DIDO1: variants seen among roughly 807,000 people sequenced by gnomAD.
The protein encoded by DIDO1 is death inducer-obliterator 1, also known as death-inducer obliterator 1.
In DIDO1, 16 loss-of-function variants were observed where a neutral mutation model predicts 99.4. That is an observed-to-expected ratio of 0.16 (90% CI 0.11 to 0.24). DIDO1 has a LOEUF of 0.24. Among genes scored for constraint, DIDO1 ranks in the 10% least tolerant of loss-of-function variants. The pLI, the probability that DIDO1 is intolerant of heterozygous loss-of-function variation, is 1.00. For synonymous variants in DIDO1, 1,366 were observed against 1,239.1 expected, an observed-to-expected ratio of 1.10 and a Z score of -2.15; for missense variants, 2,996 against 3,014.0, an observed-to-expected ratio of 0.99 and a Z score of 0.14.
In DIDO1 at chr20:62,922,121, C is replaced by T. The variant is rs867927596; in HGVS notation, c.-200+4318G>A. 1.5e-3 allele frequency among the ~76,000 whole-genome samples: 216 copies of T among 148,528 alleles called. 2 individuals are homozygous for T. The Middle Eastern group carries it at 0.018, about 12-fold the overall frequency. Reference sequence around the variant, plus strand: ...CACACTATATATATACACACACACACACACATATATACATATATACACACA... The same window carrying T: ...CACACTATATATATACACACACACATACACATATATACATATATACACACA... On this transcript the variant is annotated intron_variant, in intron 1 of 15. Transcript: ENST00000395343.
In DIDO1 at chr20:62,911,404, C is replaced by T. The variant is rs769102009; in HGVS notation, c.209G>A (p.Arg70His). The T allele has an allele frequency of 5.0e-6, 8 of 1,611,372 alleles. No individual in the cohort carries two copies. The highest frequency in any genetic ancestry group is 6.8e-6 in the Non-Finnish European group (8 of 1,178,814). ...CAGGAACTGCTCCACGCGCTCAGTG[C>T]GCTTGGGCTGCCTCCCACTGCGCCG... ...SLRRSGRQPK[R>H]TERVEQFLTI... is the part of the protein sequence containing the mutation. Residue 70 changes from arginine to histidine, a missense_variant, in exon 3 of 16, where the codon CGC becomes CAC. Arg to His is a conservative substitution (Grantham distance 29). Around this residue, in one of 5 missense-constraint regions of DIDO1, gnomAD observed 388 missense variants for 376.6 expected, o/e 1.03. Transcript: ENST00000395343. This position sits in a 1 kb window ranked among gnomAD's most constrained non-coding sequence, Gnocchi z 7.0.
Position 62,879,828 on chromosome 20 carries a change from T to A in DIDO1, c.6128A>T (p.Glu2043Val), listed in dbSNP as rs1427275068. 6.2e-7 allele frequency: 1 copy of A among 1,608,306 alleles called. No individual in the cohort carries two copies. The highest frequency in any genetic ancestry group is 8.5e-7 in the Non-Finnish European group (1 of 1,178,262). ...GGAGAGCGCGGAGGGCGGCCCGGCC[T>A]CCTCCCAGCGGTCCTTCCGGTGCTG... Reference protein sequence around the residue: ...PPQHRKDRWEEAGPPSALSSS... With the variant: ...PPQHRKDRWEVAGPPSALSSS... The change falls in exon 16 of 16, where the codon GAG (glutamate) becomes GTG (valine). Residue 2043 changes from glutamate to valine, a missense_variant. Transcript: ENST00000395343. The surrounding 1 kb of genome is among the most constrained non-coding windows in gnomAD (Gnocchi z 6.3).
chr20:62,885,035 C>T (rs956979142), intron 15 of DIDO1, among the ~76,000 whole-genome samples: 1 of 152,260 alleles, frequency 6.6e-6, no homozygotes, highest in Non-Finnish European at 1.5e-5. Context: ...TAAGCTATTA[C>T]ACAGCTTACT....
At chr20:62,898,536 C>T (rs890982467) in intron 6 of DIDO1, among the ~76,000 whole-genome samples, 19 of 152,346 alleles carry the variant, frequency 1.2e-4, no homozygotes, top group African/African-American at 4.3e-4. Context: ...TGTGTTCTTT[C>T]CTAACCATCA....
At position 62,907,219 on chromosome 20, in the gene DIDO1, T is replaced by C. The variant is rs1209530512; in HGVS notation, c.1302A>G (p.Glu434=). 1.2e-6 allele frequency: 2 copies of C among 1,614,254 alleles called. No individual in the cohort carries two copies. Among genetic ancestry groups the C allele is most frequent in the East Asian group, 2.2e-5 (1 of 44,882 alleles). ...ATMKFLSSGK[E]QKPKPKEKMK... ...TCTTTTCTTTAGGCTTTGGCTTCTG[T>C]TCTTTACCTGAGCTTAGAAACTTCA... is the stretch of plus-strand genomic sequence containing the variant. The change falls in exon 5 of 16, where the codon GAA becomes GAG. Residue 434 remains glutamate, a synonymous_variant. Transcript: ENST00000395343.
intron 6 of DIDO1, among the ~76,000 whole-genome samples, chr20:62,902,424 A>G (rs899783990): frequency 1.3e-5 from 2 of 152,124 alleles, no homozygotes; most frequent in African/African-American, 4.8e-5. Context: ...GAGTCTGATG[A>G]CTCCCAGTCT....
chr20:62,916,176 G>A (rs1364419889), intron 1 of DIDO1, among the ~76,000 whole-genome samples: 1 of 152,184 alleles, frequency 6.6e-6, no homozygotes, highest in African/African-American at 2.4e-5. Flanking sequence ...GGGGGAATGT[G>A]TTCATAAAAC....
Position 62,894,357 on chromosome 20 carries a change from TAACAAA to T in DIDO1, c.2572+50_2572+55del, listed in dbSNP as rs2064468340. On this transcript the variant is annotated intron_variant, in intron 11 of 15. Transcript: ENST00000395343. The surrounding 1 kb of genome is among the most constrained non-coding windows in gnomAD (Gnocchi z 4.4). ...TGCTTTTAGGAGGTTCAGTGATTTTTAACAAAATCAAGTTTAGTCTCAGCTCCAAGG... is the reference window on the plus strand; with the variant it reads ...TGCTTTTAGGAGGTTCAGTGATTTTTATCAAGTTTAGTCTCAGCTCCAAGG... The T allele has an allele frequency of 6.3e-7, 1 of 1,594,204 alleles. No homozygotes were observed. Among genetic ancestry groups the T allele is most frequent in the Non-Finnish European group, 8.5e-7 (1 of 1,171,490 alleles).
upstream of DIDO1, among the ~76,000 whole-genome samples, chr20:62,928,123 T>A (rs1441166092): frequency 1.3e-5 from 2 of 152,172 alleles, no homozygotes; most frequent in African/African-American, 2.4e-5. Flanking sequence ...TAGCTGAGGA[T>A]CTTTAAACCA....
intron 1 of DIDO1, among the ~76,000 whole-genome samples, chr20:62,934,127 C>T (rs755930544): frequency 7.9e-5 from 12 of 152,192 alleles, no homozygotes; most frequent in Non-Finnish European, 1.8e-4. Context: ...TCCCAGATGC[C>T]AACCCGTGTG....
At chr20:62,887,570 GT>G in intron 15 of DIDO1, 2 of 985,418 alleles carry the variant, frequency 2.0e-6, no homozygotes, top group Non-Finnish European at 2.4e-6. Flanking sequence ...ATGGACCGAG[GT>G]TACTCCACAG....
chr20:62,927,484 C>T (rs1361127992), upstream of DIDO1, among the ~76,000 whole-genome samples: 1 of 152,184 alleles, frequency 6.6e-6, no homozygotes, highest in African/African-American at 2.4e-5. Context: ...TGCCTCGAGG[C>T]ACCATGGGCA....
intron 15 of DIDO1, among the ~76,000 whole-genome samples, chr20:62,884,121 C>CTTT (rs2064257872): frequency 6.6e-6 from 1 of 152,208 alleles, no homozygotes; most frequent in Non-Finnish European, 1.5e-5. Context: ...TCACGTAAAG[C>CTTT]ACCGAGGTGC....
intron 2 of DIDO1, among the ~76,000 whole-genome samples, chr20:62,913,058 T>C (rs1461683767): frequency 1.3e-5 from 2 of 152,134 alleles, no homozygotes; most frequent in African/African-American, 4.8e-5. Context: ...AAATACAAAA[T>C]GGAAAATTAC....
chr20:62,905,909 G>C lies in DIDO1; in HGVS notation c.1566C>G (p.Pro522=). The C allele has an allele frequency of 6.2e-7, 1 of 1,614,154 alleles. No individual in the cohort carries two copies. The highest frequency in any genetic ancestry group is 1.1e-5 in the South Asian group (1 of 91,080). The change falls in exon 6 of 16, where the codon CCC becomes CCG. Residue 522 remains proline, a synonymous_variant. Coordinates refer to ENST00000395343, the MANE Select transcript of DIDO1 (RefSeq NM_001193369.2). ...TACATTTATACAACAGTGACGGCGA[G>C]GGAGCAGCAGTCTTTTCTGGCTTTA... ...NAVKPEKTAA[P]SPSLLYKSTK... is the part of the protein sequence containing the mutation.
intron 1 of DIDO1, among the ~76,000 whole-genome samples, chr20:62,918,407 C>T (rs1568881199): frequency 1.3e-5 from 2 of 152,204 alleles, no homozygotes; most frequent in African/African-American, 4.8e-5. Context: ...AGCTGGGACA[C>T]CACTGGCGTG....
chr20:62,930,706 C>T (rs2065324670), upstream of DIDO1, among the ~76,000 whole-genome samples: 3 of 152,330 alleles, frequency 2.0e-5, no homozygotes, highest in South Asian at 6.2e-4. Context: ...AGTGTCTTAT[C>T]ATTTGTATGT....
At chr20:62,937,601 G>A (rs2065405466) in intron 1 of DIDO1, among the ~76,000 whole-genome samples, 1 of 152,204 alleles carries the variant, frequency 6.6e-6, no homozygotes, top group Non-Finnish European at 1.5e-5. Flanking sequence ...GCTTCAACGC[G>A]CAGACAGCAC....
At position 62,881,120 on chromosome 20, in the gene DIDO1, T is replaced by C. The variant is rs368509377; in HGVS notation, c.4836A>G (p.Lys1612=). ...GQAPMPVPEE[K]EPASSPWASG... ...AAGCCCAGGGGGAAGAGGCTGGCTC[T>C]TTTTCCTCCGGGACTGGCATGGGCG... The change falls in exon 16 of 16, where the codon AAA becomes AAG. Residue 1612 remains lysine, a synonymous_variant. Transcript: ENST00000395343. This position sits in a 1 kb window ranked among gnomAD's most constrained non-coding sequence, Gnocchi z 8.3. The C allele has an allele frequency of 1.2e-4, 196 of 1,609,168 alleles. No homozygotes were observed. The African/African-American group carries it at 2.2e-3, about 18-fold the overall frequency.
Sources: allele counts gnomAD v4.1 joint callset (sites outside exome capture counted in the v4.1 genomes callset), GRCh38; gene constraint gnomAD v4.1.1; regional missense constraint gnomAD v4.1.1; non-coding constraint Gnocchi (gnomAD v3.1); transcripts MANE v1.5; gene names NCBI Gene and HGNC (gene_info 2026-07-23, HGNC 2026-07-21).